GPATCH2L: variants seen among roughly 807,000 people sequenced by gnomAD.
GPATCH2L encodes the protein G-patch domain containing 2 like.
In GPATCH2L, 31 loss-of-function variants were observed where a neutral mutation model predicts 57.4. The observed-to-expected ratio is 0.54, with a 90% CI of 0.41 to 0.73. The LOEUF (loss-of-function observed/expected upper bound fraction) is 0.73. Among genes scored for constraint, GPATCH2L ranks in the 30% least tolerant of loss-of-function variants. GPATCH2L has a pLI of 0.00. For synonymous variants in GPATCH2L, 199 were observed against 210.7 expected (o/e 0.94, Z 0.48); for missense variants, 481 against 599.9 (o/e 0.80, Z 2.07).
At chr14:76,163,199 C>G (rs538567928) in intron 2 of GPATCH2L, among the ~76,000 whole-genome samples, 31 of 152,274 alleles carry the variant, frequency 2.0e-4, no homozygotes, top group Admixed American at 1.4e-3. Context: ...TGCATACTTT[C>G]TCTAAGCCCC....
intron 3 of GPATCH2L, among the ~76,000 whole-genome samples, chr14:76,168,902 A>T (rs1019625052): frequency 1.3e-5 from 2 of 152,328 alleles, no homozygotes; most frequent in East Asian, 1.9e-4. Flanking sequence ...GCTGGTTGGC[A>T]GTGGTTGTGT....
At chr14:76,176,943 T>G (rs1030138557) in intron 6 of GPATCH2L, among the ~76,000 whole-genome samples, 3 of 151,798 alleles carry the variant, frequency 2.0e-5, no homozygotes, top group African/African-American at 7.3e-5. Context: ...GTAAAGATGT[T>G]TATTTTAAAC....
Position 76,212,924 on chromosome 14 carries a change from GA to G in GPATCH2L, c.*11076del, listed in dbSNP as rs1244920481. 1 of 152,044 alleles carries G rather than the reference GA, an allele frequency of 6.6e-6. No homozygotes were observed. The highest frequency in any genetic ancestry group is 1.5e-5 in the Non-Finnish European group (1 of 68,010). 9.4% of individuals were successfully genotyped at this position (152,044 alleles called of 1,614,324 possible). A position where few individuals can be genotyped will look rare whatever the true frequency, so the allele number is the denominator to read the frequency against. ...CTTCAACTATTCTTGGGTTGATTAGGAAATGCAAAGTATTAAAAAAACATTT... is the reference window on the plus strand; with the variant it reads ...CTTCAACTATTCTTGGGTTGATTAGGAATGCAAAGTATTAAAAAAACATTT... On this transcript the variant is annotated 3_prime_UTR_variant, in exon 10 of 10. Transcript: ENST00000261530.
At chr14:76,233,935 C>T (rs2040586548) in intron 2 of GPATCH2L, among the ~76,000 whole-genome samples, 2 of 152,038 alleles carry the variant, frequency 1.3e-5, no homozygotes, top group Admixed American at 6.6e-5. Context: ...AAGACCTTCT[C>T]TCTACAAAAA....
Position 76,208,792 on chromosome 14 carries a change from A to G in GPATCH2L, c.*6941A>G, listed in dbSNP as rs1447241209. On this transcript the variant is annotated 3_prime_UTR_variant, in exon 10 of 10. Transcript: ENST00000261530. ...GAAAGCCTGAGTACCACTAAGGTAT[A>G]CTGCCCTTATCTGCACTCTGTCCAT... 6.6e-6 allele frequency: 1 copy of G among 152,190 alleles called. No homozygotes were observed. The highest frequency in any genetic ancestry group is 1.5e-5 in the Non-Finnish European group (1 of 68,062). 9.4% of individuals were successfully genotyped at this position (152,190 alleles called of 1,614,324 possible).
At chr14:76,228,171 G>A (rs899990570) in intron 1 of GPATCH2L, among the ~76,000 whole-genome samples, 3 of 152,080 alleles carry the variant, frequency 2.0e-5, no homozygotes, top group Admixed American at 2.0e-4. Context: ...TTATTGTTTC[G>A]CATCGCCATT....
intron 9 of GPATCH2L, chr14:76,196,437 G>GTTTTTT (rs78248589): frequency 3.9e-5 from 5 of 129,536 alleles, no homozygotes; most frequent in Non-Finnish European, 4.8e-5. Flanking sequence ...AAACTTTTCA[G>GTTTTTT]TTTTTTTTTT....
intron 1 of GPATCH2L, among the ~76,000 whole-genome samples, chr14:76,221,113 T>A: frequency 1.4e-5 from 2 of 146,422 alleles, no homozygotes; most frequent in Non-Finnish European, 1.5e-5. Flanking sequence ...AAAAGACACA[T>A]CTGATAAAGG....
chr14:76,203,886 A>C lies in GPATCH2L; in HGVS notation c.*2035A>C, dbSNP rs1312003649. On this transcript the variant is annotated 3_prime_UTR_variant, in exon 10 of 10. Coordinates refer to ENST00000261530, the MANE Select transcript of GPATCH2L (RefSeq NM_017926.4). Reference sequence around the variant, plus strand: ...TTGTTTGTGTCAAGCTCTATGACTCATGCAGTGATTGGTCCCATGATCATG... The same window carrying C: ...TTGTTTGTGTCAAGCTCTATGACTCCTGCAGTGATTGGTCCCATGATCATG... The C allele has an allele frequency of 6.6e-6, 1 of 152,220 alleles. No individual in the cohort carries two copies. Among genetic ancestry groups the C allele is most frequent in the African/African-American group, 2.4e-5 (1 of 41,450 alleles). 9.4% of individuals were successfully genotyped at this position (152,220 alleles called of 1,614,324 possible).
chr14:76,178,134 C>A (rs1248176128), intron 7 of GPATCH2L, 92 bp downstream of exon 7: 1 of 1,269,564 alleles, frequency 7.9e-7, no homozygotes, highest in Non-Finnish European at 1.1e-6. Context: ...GCAGCTAATT[C>A]CTCTTTGTAG....
intron 2 of GPATCH2L, among the ~76,000 whole-genome samples, chr14:76,235,258 G>A (rs1566831034): frequency 1.3e-5 from 2 of 151,940 alleles, no homozygotes; most frequent in African/African-American, 2.4e-5. Flanking sequence ...GTTTGGCTGT[G>A]TCCCCACCCA....
At chr14:76,189,641 A>G (rs1469185885) in intron 8 of GPATCH2L, among the ~76,000 whole-genome samples, 1 of 152,066 alleles carries the variant, frequency 6.6e-6, no homozygotes, top group African/African-American at 2.4e-5. Flanking sequence ...CATATCATCT[A>G]CAAACAAGGA....
intron 8 of GPATCH2L, among the ~76,000 whole-genome samples, chr14:76,182,676 T>A (rs1257132709): frequency 6.6e-6 from 1 of 152,068 alleles, no homozygotes; most frequent in Non-Finnish European, 1.5e-5. Context: ...AGTAGCATGA[T>A]GTTTATTCAT....
intron 4 of GPATCH2L, among the ~76,000 whole-genome samples, chr14:76,172,232 C>T (rs2039118458): frequency 6.6e-6 from 1 of 152,158 alleles, no homozygotes; most frequent in East Asian, 1.9e-4. Context: ...ACTCCTGGGA[C>T]ATATATATTA....
downstream of GPATCH2L, among the ~76,000 whole-genome samples, chr14:76,216,313 G>C (rs557271938): frequency 6.6e-6 from 1 of 152,252 alleles, no homozygotes; most frequent in Non-Finnish European, 1.5e-5. Flanking sequence ...TATGCTACTT[G>C]TATGTTGCAA....
At position 76,208,619 on chromosome 14, in the gene GPATCH2L, A is replaced by G. The variant is rs1189882071; in HGVS notation, c.*6768A>G. 6.5e-6 allele frequency: 1 copy of G among 152,864 alleles called. No homozygotes were observed. Among genetic ancestry groups the G allele is most frequent in the Non-Finnish European group, 1.5e-5 (1 of 68,346 alleles). The allele number at this position is 152,864 out of a possible 1,614,324, so 9.5% of individuals were successfully genotyped here. On this transcript the variant is annotated 3_prime_UTR_variant, in exon 10 of 10. Coordinates refer to ENST00000261530, the MANE Select transcript of GPATCH2L (RefSeq NM_017926.4). ...CTTGCCAGTGCCTGTCCTGCCCAAG[A>G]CGAACCCCTTTTCCTGTGCCCTAGG...
intron 2 of GPATCH2L, among the ~76,000 whole-genome samples, chr14:76,159,507 C>T (rs758977588): frequency 6.6e-6 from 1 of 151,998 alleles, no homozygotes; most frequent in Non-Finnish European, 1.5e-5. Context: ...GAGCCCCTAG[C>T]CCAGTGCTCC....
intron 6 of GPATCH2L, 144 bp downstream of exon 6, chr14:76,176,834 C>T (rs1186697659): frequency 3.2e-6 from 2 of 615,724 alleles, no homozygotes; most frequent in Non-Finnish European, 5.9e-6. Flanking sequence ...TTAAATATGG[C>T]AACATCCTAA....
chr14:76,217,738 C>A (rs368433606), downstream of GPATCH2L, among the ~76,000 whole-genome samples: 2 of 152,106 alleles, frequency 1.3e-5, no homozygotes, highest in Non-Finnish European at 2.9e-5. Context: ...CTCCTGTAGA[C>A]CACTGTAGAA....
Sources: allele counts gnomAD v4.1 joint callset (sites outside exome capture counted in the v4.1 genomes callset), GRCh38; gene constraint gnomAD v4.1.1; transcripts MANE v1.5; gene names NCBI Gene and HGNC (gene_info 2026-07-23, HGNC 2026-07-21).